The following AUTS2 variants were observed in gnomAD, a reference collection of about 807,000 sequenced individuals.
AUTS2 encodes the protein activator of transcription and developmental regulator AUTS2.
In AUTS2, 17 loss-of-function variants were observed where a neutral mutation model predicts 112.4. The observed-to-expected ratio is 0.15, with a 90% CI of 0.10 to 0.23. The LOEUF (loss-of-function observed/expected upper bound fraction) is 0.23, where lower values mean the gene tolerates loss of function less well. AUTS2 is among the 10% of genes least tolerant of loss of function. The pLI is 1.00. For synonymous variants in AUTS2, 751 were observed against 702.7 expected (o/e 1.07, Z -1.09); for missense variants, 1,510 against 1,701.6 (o/e 0.89, Z 1.98).
intron 5 of AUTS2, among the ~76,000 whole-genome samples, chr7:70,628,322 A>G (rs539677238): frequency 3.5e-5 from 1 of 28,974 alleles, no homozygotes; most frequent in Non-Finnish European, 5.7e-5. Flanking sequence ...AACTATATAT[A>G]TATATACATA....
At chr7:70,501,798 T>G (rs1276944399) in intron 5 of AUTS2, among the ~76,000 whole-genome samples, 1 of 152,196 alleles carries the variant, frequency 6.6e-6, no homozygotes, top group African/African-American at 2.4e-5. Flanking sequence ...TGTGCTGCCC[T>G]ACGTGATGCT....
chr7:69,640,409 T>A (rs1371543146), intron 1 of AUTS2, among the ~76,000 whole-genome samples: 1 of 152,222 alleles, frequency 6.6e-6, no homozygotes, highest in Non-Finnish European at 1.5e-5. Context: ...AAACATTGGT[T>A]GCATTAATGA....
At chr7:70,305,834 T>A (rs1789468361) in intron 4 of AUTS2, among the ~76,000 whole-genome samples, 1 of 152,162 alleles carries the variant, frequency 6.6e-6, no homozygotes, top group East Asian at 1.9e-4. Flanking sequence ...TATGTGTACA[T>A]CTGGTGAGTA....
At chr7:70,374,744 A>T (rs1458300397) in intron 4 of AUTS2, among the ~76,000 whole-genome samples, 1 of 152,184 alleles carries the variant, frequency 6.6e-6, no homozygotes, top group Non-Finnish European at 1.5e-5. Context: ...GATCTTTTCC[A>T]CTTACAGTAA....
At chr7:70,514,823 T>G (rs983709596) in intron 5 of AUTS2, among the ~76,000 whole-genome samples, 7 of 152,240 alleles carry the variant, frequency 4.6e-5, no homozygotes, top group African/African-American at 1.7e-4. Flanking sequence ...CAACAGACAT[T>G]TTAATATTCT....
intron 1 of AUTS2, among the ~76,000 whole-genome samples, chr7:69,633,111 A>G (rs1420043208): frequency 6.6e-6 from 1 of 152,154 alleles, no homozygotes; most frequent in Non-Finnish European, 1.5e-5. Flanking sequence ...TACCCCTAGT[A>G]ACCACTGTTT....
Position 70,092,495 on chromosome 7 carries a change from G to A in AUTS2, c.523-25637G>A, listed in dbSNP as rs1207633066. ...GCAAAATCCTAGTGGAAAATAAATG[G>A]CAATAAAAAAGAGAAATGATAGCCT... On this transcript the variant is annotated intron_variant, in intron 2 of 18. Coordinates refer to ENST00000342771, the MANE Select transcript of AUTS2 (RefSeq NM_015570.4). 2.0e-5 allele frequency among the ~76,000 whole-genome samples: 3 copies of A among 152,174 alleles called. No homozygotes were observed. The East Asian group carries it at 5.8e-4, about 29-fold the overall frequency.
intron 1 of AUTS2, among the ~76,000 whole-genome samples, chr7:69,676,413 T>C (rs1479994526): frequency 3.3e-5 from 5 of 152,226 alleles, no homozygotes; most frequent in Non-Finnish European, 5.9e-5. Context: ...GGCAAGGCCA[T>C]GTCCTGGTTT....
chr7:70,711,664 T>C (rs1322823602), intron 6 of AUTS2, among the ~76,000 whole-genome samples: 6 of 152,206 alleles, frequency 3.9e-5, no homozygotes, highest in African/African-American at 1.2e-4. Context: ...ATGACAGCTT[T>C]GGAAATGGCA....
At chr7:70,595,784 C>A (rs1294535787) in intron 5 of AUTS2, among the ~76,000 whole-genome samples, 2 of 152,164 alleles carry the variant, frequency 1.3e-5, no homozygotes, top group Non-Finnish European at 2.9e-5. Flanking sequence ...GTCTAAAAAC[C>A]CAAACAGCAA....
chr7:69,928,622 T>C (rs1429660927), intron 2 of AUTS2, among the ~76,000 whole-genome samples: 2 of 152,084 alleles, frequency 1.3e-5, no homozygotes, highest in Non-Finnish European at 2.9e-5. Flanking sequence ...GTGCCCAGAT[T>C]GGCCACAACT....
rs780724019 is a variant in AUTS2, at chr7:70,290,340, AT to A, written c.661-145409del. The A allele has an allele frequency of 1.7e-3, 2,567 of 1,469,396 alleles. 1 individual carries two copies. The highest frequency in any genetic ancestry group is 2.1e-3 in the Non-Finnish European group (2,392 of 1,114,812). The allele number at this position is 1,469,396 out of a possible 1,614,324, so 91.0% of individuals were successfully genotyped here. A position where few individuals can be genotyped will look rare whatever the true frequency, so the allele number is the denominator to read the frequency against. ...AGGGCATTTAACATTCTTTTGAATC[AT>A]TTGAGATTTTCATGTTTCCATTTCA... On this transcript the variant is annotated intron_variant, in intron 4 of 18. Transcript: ENST00000342771.
rs865874868 is a variant in AUTS2 at position 70,626,389 on chromosome 7, G to A, written c.691-72180G>A. 2.2e-3 allele frequency among the ~76,000 whole-genome samples: 305 copies of A among 138,898 alleles called. 2 individuals carry two copies. The highest frequency in any genetic ancestry group is 7.0e-3 in the African/African-American group (270 of 38,310). 91.1% of individuals were successfully genotyped at this position (138,898 alleles called of 152,430 possible). Reference sequence around the variant, plus strand: ...AAAAAAAAAAAAAAAAAAAAATTATGTAAAAACTTTTTTTTTTCTTTTAAG... The same window carrying A: ...AAAAAAAAAAAAAAAAAAAAATTATATAAAAACTTTTTTTTTTCTTTTAAG... On this transcript the variant is annotated intron_variant, in intron 5 of 18. Transcript: ENST00000342771.
At position 70,404,509 on chromosome 7, in the gene AUTS2, A is replaced by G. The variant is rs145219368; in HGVS notation, c.661-31243A>G. ...TAATTAGTGAACTCAGAGGGATATG[A>G]TGTACCTTTTCAAATCAGGGTCTAC... is the stretch of plus-strand genomic sequence containing the variant. On this transcript the variant is annotated intron_variant, in intron 4 of 18. Transcript: ENST00000342771. Among the ~76,000 whole-genome samples the G allele has an allele frequency of 2.6e-3, 390 of 152,304 alleles. 3 individuals carry two copies. Among genetic ancestry groups the G allele is most frequent in the Middle Eastern group, 0.024 (7 of 294 alleles).
At chr7:69,772,316 G>GCT (rs1360122352) in intron 1 of AUTS2, among the ~76,000 whole-genome samples, 1 of 152,192 alleles carries the variant, frequency 6.6e-6, no homozygotes, top group Non-Finnish European at 1.5e-5. Context: ...AATCTTAAGT[G>GCT]TTTTTTCTGA....
chr7:70,741,147 G>C (rs4718991), intron 6 of AUTS2, among the ~76,000 whole-genome samples: 99,009 of 151,568 alleles, frequency 0.65, 33,341 homozygotes, highest in African/African-American at 0.81. Flanking sequence ...GATGACTGTT[G>C]ATCTGTTCTT....
At chr7:70,566,538 A>G (rs1395820722) in intron 5 of AUTS2, among the ~76,000 whole-genome samples, 1 of 152,222 alleles carries the variant, frequency 6.6e-6, no homozygotes, top group Non-Finnish European at 1.5e-5. Flanking sequence ...ATATTGGAAC[A>G]TTATACAAAA....
chr7:70,719,016 G>T (rs1362373215), intron 6 of AUTS2, among the ~76,000 whole-genome samples: 2 of 152,128 alleles, frequency 1.3e-5, no homozygotes, highest in African/African-American at 4.8e-5. Context: ...CAATCCACTC[G>T]TGATGATACT....
chr7:69,844,639 A>G (rs999632809), intron 1 of AUTS2, among the ~76,000 whole-genome samples: 1 of 152,220 alleles, frequency 6.6e-6, no homozygotes, highest in Non-Finnish European at 1.5e-5. Context: ...AAGCAGAAGC[A>G]TAATATTTGA....
Sources: allele counts gnomAD v4.1 joint callset (sites outside exome capture counted in the v4.1 genomes callset), GRCh38; gene constraint gnomAD v4.1.1; transcripts MANE v1.5; gene names NCBI Gene and HGNC (gene_info 2026-07-23, HGNC 2026-07-21).